CNTLN: variants seen among roughly 807,000 people sequenced by gnomAD.
CNTLN encodes centlein, centrosomal protein.
Under a neutral mutation model 180.0 loss-of-function variants are expected in CNTLN, and 212 were observed. That is an observed-to-expected ratio of 1.18 (90% CI 1.05 to 1.32). The LOEUF (loss-of-function observed/expected upper bound fraction) is 1.32. CNTLN is among the 40% of genes most tolerant of loss of function. The pLI, the probability that CNTLN is intolerant of heterozygous loss-of-function variation, is 0.00. For missense variants in CNTLN, 2,095 were observed against 1,610.9 expected (o/e 1.30, Z -5.14); for synonymous variants, 722 against 563.1 (o/e 1.28, Z -3.99).
chr9:17,274,180 T>A (rs1828137813), intron 6 of CNTLN, among the ~76,000 whole-genome samples: 1 of 152,112 alleles, frequency 6.6e-6, no homozygotes, highest in African/African-American at 2.4e-5. Flanking sequence ...GCTCATATTG[T>A]TACAGTGAAC....
chr9:17,291,905 G>A lies in CNTLN; in HGVS notation c.984-6285G>A, dbSNP rs60365835. On this transcript the variant is annotated intron_variant, in intron 6 of 25. Coordinates refer to ENST00000380647, the MANE Select transcript of CNTLN (RefSeq NM_017738.4). Reference sequence around the variant, plus strand: ...TTGCTTTATAGTTTCATTGGTCTTTGTACTTCAGTGTGTTTTTGCAGTGGC... The same window carrying A: ...TTGCTTTATAGTTTCATTGGTCTTTATACTTCAGTGTGTTTTTGCAGTGGC... Among the ~76,000 whole-genome samples the A allele has an allele frequency of 8.7e-3, 1,332 of 152,248 alleles. 72 individuals are homozygous for A. The East Asian group carries it at 0.17, about 19-fold the overall frequency.
intron 2 of CNTLN, among the ~76,000 whole-genome samples, chr9:17,193,064 G>A (rs1277647053): frequency 2.0e-5 from 3 of 152,144 alleles, no homozygotes; most frequent in Admixed American, 6.5e-5. Flanking sequence ...TTTCACTACT[G>A]TAAGAATAGT....
intron 2 of CNTLN, among the ~76,000 whole-genome samples, chr9:17,163,146 G>A (rs1017107750): frequency 6.6e-6 from 1 of 152,144 alleles, no homozygotes; most frequent in Admixed American, 6.5e-5. Context: ...GGTCTTGTGA[G>A]ACTTGTTCAC....
intron 13 of CNTLN, among the ~76,000 whole-genome samples, chr9:17,368,159 G>A (rs1476721199): frequency 2.0e-5 from 3 of 149,140 alleles, no homozygotes; most frequent in Non-Finnish European, 3.0e-5. Flanking sequence ...TTTGTGGCAA[G>A]CTGACTGAAG....
intron 2 of CNTLN, among the ~76,000 whole-genome samples, chr9:17,173,314 G>A (rs1227851941): frequency 1.3e-5 from 2 of 152,138 alleles, no homozygotes; most frequent in East Asian, 3.8e-4. Context: ...AATCACCAGT[G>A]TTATGAAGAC....
intron 10 of CNTLN, among the ~76,000 whole-genome samples, chr9:17,335,072 TG>T (rs1820915518): frequency 6.6e-6 from 1 of 152,216 alleles, no homozygotes; most frequent in South Asian, 2.1e-4. Context: ...TGTCCCAGCT[TG>T]AAGGCAGGCA....
At chr9:17,373,456 T>C (rs1038576852) in intron 13 of CNTLN, among the ~76,000 whole-genome samples, 1 of 152,022 alleles carries the variant, frequency 6.6e-6, no homozygotes, top group Admixed American at 6.6e-5. Context: ...TATAGAATAT[T>C]GATGAAAGAA....
At chr9:17,312,359 ATATATTATAT>A (rs1383803231) in intron 8 of CNTLN, among the ~76,000 whole-genome samples, 3 of 15,262 alleles carry the variant, frequency 2.0e-4, no homozygotes, top group Non-Finnish European at 6.3e-4. Context: ...ATATATATAT[ATATATTATAT>A]ATATATATAT....
At chr9:17,336,505 T>C (rs1362300574) in intron 10 of CNTLN, among the ~76,000 whole-genome samples, 3 of 152,204 alleles carry the variant, frequency 2.0e-5, no homozygotes, top group Non-Finnish European at 4.4e-5. Context: ...TCCCCAAACA[T>C]GAATCTTTGG....
At chr9:17,264,897 T>C (rs1413445453) in intron 5 of CNTLN, among the ~76,000 whole-genome samples, 1 of 150,830 alleles carries the variant, frequency 6.6e-6, no homozygotes, top group Non-Finnish European at 1.5e-5. Context: ...TTTTGTATCC[T>C]GAGACTTTGC....
intron 2 of CNTLN, among the ~76,000 whole-genome samples, chr9:17,175,823 T>C (rs1342528378): frequency 6.6e-6 from 1 of 152,180 alleles, no homozygotes; most frequent in Non-Finnish European, 1.5e-5. Context: ...AGCATGCAAG[T>C]CCTATATATT....
intron 2 of CNTLN, among the ~76,000 whole-genome samples, chr9:17,178,805 C>T (rs2131707458): frequency 6.6e-6 from 1 of 152,230 alleles, no homozygotes; most frequent in South Asian, 2.1e-4. Context: ...TCAGCTCTGG[C>T]CTTGGCCAGC....
chr9:17,230,237 C>G (rs927350361), intron 3 of CNTLN, among the ~76,000 whole-genome samples: 3 of 152,150 alleles, frequency 2.0e-5, no homozygotes, highest in African/African-American at 7.2e-5. Flanking sequence ...GGCTACTATA[C>G]AAAAATATAC....
At chr9:17,279,829 T>TGGGCCTTTAAGAGGCTGTTGGGTCATGA (rs71331479) in intron 6 of CNTLN, among the ~76,000 whole-genome samples, 1 of 122,182 alleles carries the variant, frequency 8.2e-6, no homozygotes, top group South Asian at 2.7e-4. Context: ...TGTGGGACAT[T>TGGGCCTTTAAGAGGCTGTTGGGTCATGA]GGGCTCTGCC....
chr9:17,408,512 C>T (rs1827585102), intron 15 of CNTLN, among the ~76,000 whole-genome samples: 2 of 151,948 alleles, frequency 1.3e-5, no homozygotes, highest in Admixed American at 6.6e-5. Flanking sequence ...ACAAAAGTCC[C>T]TGGGCCCGGC....
At chr9:17,315,962 ATTCTGTTTT>A (rs60456640) in intron 8 of CNTLN, among the ~76,000 whole-genome samples, 124,171 of 151,330 alleles carry the variant, frequency 0.82, 51,245 homozygotes, top group Non-Finnish European at 0.87. Context: ...TTTCTGTTCT[ATTCTGTTTT>A]TTCAGGTCTG....
chr9:17,358,920 G>A (rs1485136267), intron 12 of CNTLN, among the ~76,000 whole-genome samples: 4 of 152,160 alleles, frequency 2.6e-5, no homozygotes, highest in Admixed American at 1.3e-4. Context: ...TAGTCTAAAT[G>A]TGAAGGGTTA....
In CNTLN at chr9:17,394,541, A is replaced by C; in HGVS notation, c.2087A>C (p.Glu696Ala). 6.4e-7 allele frequency: 1 copy of C among 1,564,156 alleles called. No individual in the cohort carries two copies. Among genetic ancestry groups the C allele is most frequent in the Non-Finnish European group, 8.6e-7 (1 of 1,156,398 alleles). The stretch of plus-strand genomic sequence containing the variant: ...ATAAACTCTTTCCTTTAGGTCACTG[A>C]GTTGGAAAATCGGCTGAAATCTTTT... Reference protein sequence around the residue: ...MLEQTLQKVTELENRLKSFEK... With the variant: ...MLEQTLQKVTALENRLKSFEK... Residue 696 changes from glutamate to alanine, a missense_variant, in exon 15 of 26, where the codon GAG becomes GCG. Physicochemically the swap from Glu to Ala is moderately radical, Grantham distance 107 (BLOSUM62 -1). Transcript: ENST00000380647.
chr9:17,205,339 T>C (rs1324604538), intron 2 of CNTLN, among the ~76,000 whole-genome samples: 2 of 152,176 alleles, frequency 1.3e-5, no homozygotes, highest in Admixed American at 1.3e-4. Flanking sequence ...AGCAAATTGG[T>C]ATAATAAGCA....
Sources: allele counts gnomAD v4.1 joint callset (sites outside exome capture counted in the v4.1 genomes callset), GRCh38; gene constraint gnomAD v4.1.1; transcripts MANE v1.5; gene names NCBI Gene and HGNC (gene_info 2026-07-23, HGNC 2026-07-21).